MTMR1: variants seen among roughly 807,000 people sequenced by gnomAD.
The protein encoded by MTMR1 is myotubularin related protein 1, also known as phosphatidylinositol-3-phosphate phosphatase MTMR1.
Under a neutral mutation model 51.6 loss-of-function variants are expected in MTMR1, and 17 were observed. The observed-to-expected ratio is 0.33, with a 90% confidence interval of 0.23 to 0.49. The LOEUF is 0.49. Ranked by LOEUF, MTMR1 falls within the 20% of genes least tolerant of loss-of-function variation. The pLI, the probability that MTMR1 is intolerant of heterozygous loss-of-function variation, is 0.99. For synonymous variants in MTMR1, 201 were observed against 205.6 expected (o/e 0.98, Z 0.19); for missense variants, 386 against 526.9 (o/e 0.73, Z 2.62).
chrX:150,736,706 A>G lies in MTMR1; in HGVS notation c.1192A>G (p.Ile398Val), dbSNP rs782017393. Residue 398 changes from isoleucine (I) to valine (V), a missense_variant, in exon 11 of 16, where the codon ATT becomes GTT. Ile to Val is a conservative substitution (Grantham distance 29). Transcript: ENST00000445323. ...MRESLRKLKE[I>V]VYPSIDEARW... ...AGAGTCACTACGCAAATTAAAAGAGATTGTGTACCCTTCGATCGATGAGGC... is the reference window on the plus strand; with the variant it reads ...AGAGTCACTACGCAAATTAAAAGAGGTTGTGTACCCTTCGATCGATGAGGC... 2 of 1,211,479 alleles carry G rather than the reference A, an allele frequency of 1.7e-6. No individual in the cohort carries two copies. The highest frequency in any genetic ancestry group is 2.2e-6 in the Non-Finnish European group (2 of 895,282).
chrX:150,764,583 G>A lies in MTMR1; in HGVS notation c.*1854G>A, dbSNP rs538201342. On this transcript the variant is annotated 3_prime_UTR_variant, in exon 16 of 16. Coordinates refer to ENST00000445323, the MANE Select transcript of MTMR1 (RefSeq NM_001306144.3). ...ACTGGATGATGCCTTCGACAAACCA[G>A]AGAAGCCAAGTTGGGGGGAGCTGGT... 2 of 111,245 alleles carry A rather than the reference G, an allele frequency of 1.8e-5. No homozygotes were observed. Among genetic ancestry groups the A allele is most frequent in the Non-Finnish European group, 3.8e-5 (2 of 53,089 alleles). The allele number at this position is 111,245 out of a possible 1,213,427, so 9.2% of individuals were successfully genotyped here. A position where few individuals can be genotyped will look rare whatever the true frequency, so the allele number is the denominator to read the frequency against.
intron 1 of MTMR1, among the ~76,000 whole-genome samples, chrX:150,696,694 C>T (rs959338655): frequency 9.7e-6 from 1 of 103,134 alleles, no homozygotes; most frequent in Admixed American, 1.1e-4. Flanking sequence ...ACAGTGTTGT[C>T]GGGACTCCCC....
Position 150,718,619 on chromosome X carries a change from T to TTTGGG in MTMR1, c.277-6_277-5insTTGGG. On this transcript the variant is annotated splice_region_variant and splice_polypyrimidine_tract_variant and intron_variant, in intron 3 of 15. Transcript: ENST00000445323. The stretch of plus-strand genomic sequence containing the variant: ...TTTTTTTTTTTTTTTTTTTTTTTTT[T>TTTGGG]GCCAGGCTCTAAGGGATGGAAATAA... 1 of 524,751 alleles carries TTTGGG rather than the reference T, an allele frequency of 1.9e-6. No individual in the cohort carries two copies. The highest frequency in any genetic ancestry group is 2.7e-6 in the Non-Finnish European group (1 of 369,672). 43.2% of individuals were successfully genotyped at this position (524,751 alleles called of 1,213,427 possible).
At chrX:150,694,472 C>T (rs1336473569) in intron 1 of MTMR1, among the ~76,000 whole-genome samples, 1 of 111,612 alleles carries the variant, frequency 9.0e-6, no homozygotes. Context: ...TGGCCATTTC[C>T]CTGACACCAG....
intron 15 of MTMR1, among the ~76,000 whole-genome samples, chrX:150,760,811 C>T (rs970784221): frequency 1.8e-5 from 2 of 109,944 alleles, no homozygotes; most frequent in Non-Finnish European, 3.8e-5. Flanking sequence ...CCTGTAATCC[C>T]AGCTGCTCAG....
chrX:150,713,942 CAT>C (rs1333480935), intron 3 of MTMR1, among the ~76,000 whole-genome samples: 20 of 100,892 alleles, frequency 2.0e-4, no homozygotes, highest in East Asian at 6.5e-4. Context: ...CACACACACA[CAT>C]ACACATATAT....
intron 13 of MTMR1, 139 bp downstream of exon 13, chrX:150,744,592 C>A: frequency 3.9e-6 from 2 of 515,102 alleles, no homozygotes; most frequent in Admixed American, 7.9e-5. Flanking sequence ...TTCTAATTCG[C>A]TTAGAAATAT....
intron 13 of MTMR1, among the ~76,000 whole-genome samples, chrX:150,750,106 C>G (rs782817954): frequency 8.5e-5 from 9 of 105,772 alleles, no homozygotes; most frequent in African/African-American, 3.3e-4. Flanking sequence ...GCCTGGGGGA[C>G]AGAGAGAGAC....
intron 15 of MTMR1, among the ~76,000 whole-genome samples, chrX:150,760,947 AAG>A (rs2043104170): frequency 1.0e-5 from 1 of 98,746 alleles, no homozygotes; most frequent in South Asian, 4.8e-4. Flanking sequence ...AAAAAAAAAA[AAG>A]AAAAAGAAAA....
intron 1 of MTMR1, among the ~76,000 whole-genome samples, chrX:150,697,852 T>A (rs782733485): frequency 4.1e-4 from 46 of 111,912 alleles, no homozygotes; most frequent in African/African-American, 1.4e-3. Context: ...CTGGCTTCAG[T>A]GCAGTGAGTC....
chrX:150,758,339 C>T (rs1303945789), intron 15 of MTMR1, among the ~76,000 whole-genome samples: 6 of 111,379 alleles, frequency 5.4e-5, no homozygotes, highest in African/African-American at 9.8e-5. Flanking sequence ...CTTGTGTCCA[C>T]GCTCCACCTT....
At chrX:150,745,693 G>A (rs1330645000) in intron 13 of MTMR1, among the ~76,000 whole-genome samples, 5 of 112,248 alleles carry the variant, frequency 4.5e-5, no homozygotes, top group Non-Finnish European at 9.4e-5. Flanking sequence ...AGTGCACACA[G>A]CCAGCCCCTG....
At chrX:150,747,296 A>C (rs373718869) in intron 13 of MTMR1, among the ~76,000 whole-genome samples, 24 of 110,082 alleles carry the variant, frequency 2.2e-4, no homozygotes, top group African/African-American at 7.3e-4. Context: ...TCAAAAAAAA[A>C]ATTAAAAAAT....
chrX:150,722,692 A>C (rs1299948463), intron 4 of MTMR1, among the ~76,000 whole-genome samples: 2 of 110,606 alleles, frequency 1.8e-5, no homozygotes, highest in African/African-American at 6.6e-5. Flanking sequence ...CTGCCTTCTA[A>C]TTGGGGTGTT....
intron 12 of MTMR1, among the ~76,000 whole-genome samples, chrX:150,744,071 C>A: frequency 8.9e-6 from 1 of 112,727 alleles, no homozygotes; most frequent in Non-Finnish European, 1.9e-5. Flanking sequence ...CTGGTCTTGA[C>A]CCTACCATTT....
intron 1 of MTMR1, 23 bp from the exon 2 acceptor site, chrX:150,699,172 G>A (rs782299602): frequency 9.4e-7 from 1 of 1,060,559 alleles, no homozygotes; most frequent in Non-Finnish European, 1.3e-6. Context: ...ATAACGTTTT[G>A]TAATCCATGC....
chrX:150,733,719 C>A (rs1252038390), intron 10 of MTMR1, among the ~76,000 whole-genome samples: 2 of 111,079 alleles, frequency 1.8e-5, no homozygotes, highest in East Asian at 5.7e-4. Context: ...ATATCAGTGT[C>A]TCATGTCATG....
At chrX:150,722,620 A>G (rs1246797675) in intron 4 of MTMR1, among the ~76,000 whole-genome samples, 1 of 111,161 alleles carries the variant, frequency 9.0e-6, no homozygotes, top group Admixed American at 9.6e-5. Context: ...TTTATATTTA[A>G]GGTGAGTTTC....
chrX:150,757,010 G>A (rs1051255137), intron 15 of MTMR1, among the ~76,000 whole-genome samples: 2 of 112,183 alleles, frequency 1.8e-5, no homozygotes, highest in African/African-American at 3.2e-5. Flanking sequence ...TCAGGAGCGT[G>A]TACCCAGGGC....
Sources: allele counts gnomAD v4.1 joint callset (sites outside exome capture counted in the v4.1 genomes callset), GRCh38; gene constraint gnomAD v4.1.1; transcripts MANE v1.5; gene names NCBI Gene and HGNC (gene_info 2026-07-23, HGNC 2026-07-21).